Variants in AGMO observed in about 807,000 individuals in gnomAD.
AGMO encodes the protein alkylglycerol monooxygenase.
AGMO carries 75 observed loss-of-function variants against 60.2 expected under a neutral mutation model. The ratio of observed to expected loss-of-function variants is 1.25; its 90% confidence interval spans 1.03 to 1.51. The LOEUF (loss-of-function observed/expected upper bound fraction) is 1.51, where lower values mean the gene tolerates loss of function less well. Among genes scored for constraint, AGMO ranks in the 40% most tolerant of loss-of-function variants. AGMO has a pLI of 0.00. For synonymous variants in AGMO, 261 were observed against 177.1 expected, an observed-to-expected ratio of 1.47 and a Z score of -3.76; for missense variants, 763 against 525.5, an observed-to-expected ratio of 1.45 and a Z score of -4.42.
intron 3 of AGMO, among the ~76,000 whole-genome samples, chr7:15,477,636 G>A (rs1782632408): frequency 6.6e-6 from 1 of 152,108 alleles, no homozygotes; most frequent in Non-Finnish European, 1.5e-5. Context: ...GTTCACTGAT[G>A]TCCACTAAGC....
In AGMO at chr7:15,425,264, T is replaced by C. The variant is rs183892232; in HGVS notation, c.513+5741A>G. On this transcript the variant is annotated intron_variant, in intron 4 of 12. Transcript: ENST00000342526. ...CTCAGTTTTCTTTATTTCTAGTCAATTGCTATTTACTGTTTCCTAAATATA... is the reference window on the plus strand; with the variant it reads ...CTCAGTTTTCTTTATTTCTAGTCAACTGCTATTTACTGTTTCCTAAATATA... Among the ~76,000 whole-genome samples the C allele has an allele frequency of 2.2e-4, 33 of 152,236 alleles. No homozygotes were observed. The East Asian group carries it at 5.8e-3, about 27-fold the overall frequency.
At chr7:15,479,289 T>C (rs1006939877) in intron 3 of AGMO, among the ~76,000 whole-genome samples, 3 of 152,052 alleles carry the variant, frequency 2.0e-5, no homozygotes, top group African/African-American at 7.2e-5. Context: ...AAGAAGCCAA[T>C]CAAAGTTAAG....
intron 12 of AGMO, among the ~76,000 whole-genome samples, chr7:15,340,018 T>G (rs1781790448): frequency 6.6e-6 from 1 of 152,298 alleles, no homozygotes; most frequent in Non-Finnish European, 1.5e-5. Flanking sequence ...CAAGTACAAG[T>G]TGAGTATTCC....
At chr7:15,557,468 C>G (rs1785176825) in intron 2 of AGMO, among the ~76,000 whole-genome samples, 1 of 151,994 alleles carries the variant, frequency 6.6e-6, no homozygotes, top group South Asian at 2.1e-4. Context: ...CCCCTTGATG[C>G]TGTGGCTTCA....
intron 2 of AGMO, among the ~76,000 whole-genome samples, chr7:15,553,552 A>C (rs912849133): frequency 3.3e-5 from 5 of 151,846 alleles, no homozygotes; most frequent in Non-Finnish European, 7.4e-5. Flanking sequence ...TAAACAGGGC[A>C]AATGCCACCA....
chr7:15,443,840 C>A, intron 3 of AGMO, among the ~76,000 whole-genome samples: 1 of 152,186 alleles, frequency 6.6e-6, no homozygotes, highest in Non-Finnish European at 1.5e-5. Flanking sequence ...ATGTACTGTT[C>A]TCTGAGCTTT....
chr7:15,342,801 A>AAAACC (rs1554419147), intron 12 of AGMO, among the ~76,000 whole-genome samples: 1 of 107,892 alleles, frequency 9.3e-6, no homozygotes, highest in African/African-American at 4.2e-5. Flanking sequence ...AAAAAAAAAA[A>AAAACC]AAAATTGATC....
At chr7:15,284,115 T>C (rs1784039664) in intron 12 of AGMO, among the ~76,000 whole-genome samples, 1 of 151,956 alleles carries the variant, frequency 6.6e-6, no homozygotes, top group Non-Finnish European at 1.5e-5. Flanking sequence ...GCTAAATGCC[T>C]CCATCAAAAA....
chr7:15,309,768 C>T (rs892597870), intron 12 of AGMO, among the ~76,000 whole-genome samples: 2 of 151,896 alleles, frequency 1.3e-5, no homozygotes, highest in African/African-American at 4.8e-5. Context: ...AAATAAAGCC[C>T]AGAGAAGTTA....
intron 3 of AGMO, among the ~76,000 whole-genome samples, chr7:15,540,933 C>A (rs1223498817): frequency 2.0e-5 from 3 of 152,164 alleles, no homozygotes; most frequent in Admixed American, 6.5e-5. Flanking sequence ...AAATAGCACC[C>A]AAGGCAAGAT....
chr7:15,135,802 T>C, the AGMO span, among the ~76,000 whole-genome samples: 65,075 of 151,468 alleles, frequency 0.43, 14,290 homozygotes, highest in South Asian at 0.56. Context: ...TGCATTAATA[T>C]TCCCATAGGA....
At chr7:15,136,829 T>A in the AGMO span, among the ~76,000 whole-genome samples, 2 of 152,040 alleles carry the variant, frequency 1.3e-5, no homozygotes, top group Non-Finnish European at 2.9e-5. Flanking sequence ...CTTGTCAAGT[T>A]TTCCCCCTCC....
chr7:15,371,306 C>T (rs921209986), intron 10 of AGMO, among the ~76,000 whole-genome samples: 6 of 150,986 alleles, frequency 4.0e-5, no homozygotes, highest in African/African-American at 1.5e-4. Flanking sequence ...CGACAACCTC[C>T]CTTTCCAGCC....
In AGMO at chr7:15,385,432, T is replaced by C. The variant is rs890013165; in HGVS notation, c.1074+14A>G. On this transcript the variant is annotated intron_variant, in intron 10 of 12. Coordinates refer to ENST00000342526, the MANE Select transcript of AGMO (RefSeq NM_001004320.2). ...GATAATGTTCTCACACTACTTAAAA[T>C]GGATATTACTTACAGCTGTATCTGC... 5 of 1,471,090 alleles carry C rather than the reference T, an allele frequency of 3.4e-6. No homozygotes were observed. Among genetic ancestry groups the C allele is most frequent in the South Asian group, 2.3e-5 (2 of 86,168 alleles). 91.1% of individuals were successfully genotyped at this position (1,471,090 alleles called of 1,614,324 possible).
At chr7:15,504,663 G>A (rs570033969) in intron 3 of AGMO, among the ~76,000 whole-genome samples, 7 of 151,318 alleles carry the variant, frequency 4.6e-5, no homozygotes, top group South Asian at 2.1e-4. Context: ...AAGTGTTTCC[G>A]TAAGTTTTAA....
chr7:15,190,907 G>A, the AGMO span, among the ~76,000 whole-genome samples: 1 of 151,676 alleles, frequency 6.6e-6, no homozygotes, highest in Admixed American at 6.6e-5. Flanking sequence ...GTTTTCTAAA[G>A]ACCTCTTATT....
chr7:15,465,580 T>C (rs1368299035), intron 3 of AGMO, among the ~76,000 whole-genome samples: 1 of 142,638 alleles, frequency 7.0e-6, no homozygotes, highest in Non-Finnish European at 1.5e-5. Flanking sequence ...TGCTACCACG[T>C]CCGGCTAATT....
rs550203673 is a variant in AGMO, at chr7:15,243,012, T to C, written c.1264-41653A>G. On this transcript the variant is annotated intron_variant, in intron 12 of 12. Transcript: ENST00000342526. ...GGGGCAAGATGTCAGTGGGGGGAGG[T>C]GAAAGGAATTTAATGTATCACTTTA... Among the ~76,000 whole-genome samples, 4 of 151,978 alleles carry C rather than the reference T, an allele frequency of 2.6e-5. No individual in the cohort carries two copies. In the East Asian group the frequency reaches 7.7e-4, roughly 29 times the overall value.
At chr7:15,396,638 C>A (rs934822720) in intron 5 of AGMO, 1 of 150,000 alleles carries the variant, frequency 6.7e-6, no homozygotes. Context: ...CCCCACACAT[C>A]CTGCTGATTG....
Sources: gnomAD v4.1 joint callset for allele counts (sites outside exome capture counted in the v4.1 genomes callset) on GRCh38, gnomAD v4.1.1 for gene constraint, MANE v1.5 for transcripts, NCBI Gene and HGNC (gene_info 2026-07-23, HGNC 2026-07-21) for gene names.